Variants in DUSP12 observed in about 807,000 individuals in gnomAD.
DUSP12 encodes the protein dual specificity protein phosphatase 12.
DUSP12 carries 25 observed loss-of-function variants against 38.9 expected under a neutral mutation model. The ratio of observed to expected loss-of-function variants is 0.64; its 90% confidence interval spans 0.47 to 0.90. The LOEUF (loss-of-function observed/expected upper bound fraction) is 0.90, where lower values mean the gene tolerates loss of function less well. Among genes scored for constraint, DUSP12 ranks in the 40% least tolerant of loss-of-function variants. The probability of loss-of-function intolerance (pLI) is 0.00; values close to 1 mark genes in which losing one functional copy is unlikely to be tolerated. For missense variants in DUSP12, 403 were observed against 427.0 expected (o/e 0.94, Z 0.50); for synonymous variants, 153 against 153.9 (o/e 0.99, Z 0.05).
At chr1:161,751,583 T>TA in intron 1 of DUSP12, 85 bp from the exon 2 acceptor site, 9 of 1,518,334 alleles carry the variant, frequency 5.9e-6, no homozygotes, top group Non-Finnish European at 7.9e-6. Context: ...GCCTAAACTT[T>TA]ACTATTAATA....
chr1:161,750,044 A>G lies in DUSP12; in HGVS notation c.243A>G (p.Pro81=). 1 of 1,613,968 alleles carries G rather than the reference A, an allele frequency of 6.2e-7. No individual in the cohort carries two copies. Among genetic ancestry groups the G allele is most frequent in the South Asian group, 1.1e-5 (1 of 91,090 alleles). ...GVEDLWRLFV[P]ALDKPETDLL... is the part of the protein sequence containing the mutation. Reference sequence around the variant, plus strand: ...AGGATCTATGGCGCCTCTTCGTGCCAGCGCTGGACAAACCCGAGACGGACC... The same window carrying G: ...AGGATCTATGGCGCCTCTTCGTGCCGGCGCTGGACAAACCCGAGACGGACC... The change falls in exon 1 of 6, where the codon CCA becomes CCG. Residue 81 remains proline, a synonymous_variant. Coordinates refer to ENST00000367943, the MANE Select transcript of DUSP12 (RefSeq NM_007240.3).
Position 161,752,371 on chromosome 1 carries a change from T to C in DUSP12, c.581T>C (p.Leu194Ser). 6.2e-7 allele frequency: 1 copy of C among 1,600,812 alleles called. No homozygotes were observed. Among genetic ancestry groups the C allele is most frequent in the African/African-American group, 1.3e-5 (1 of 74,376 alleles). ...ACATTTTAATTATGTCATATAGAAT[T>C]GCAGAATTTACCTCAAGAACTCTTT... ...LQKVTEKYPE[L>S]QNLPQELFAV... The change falls in exon 4 of 6, where the codon TTG (leucine) becomes TCG (serine). Residue 194 changes from leucine to serine, a missense_variant. By Grantham distance (145) the Leu-to-Ser change is moderately radical (BLOSUM62 -2). Transcript: ENST00000367943.
At position 161,749,852 on chromosome 1, in the gene DUSP12, C is replaced by T. The variant is rs757634240; in HGVS notation, c.51C>T (p.Ser17=). 1.9e-6 allele frequency: 3 copies of T among 1,605,194 alleles called. No homozygotes were observed. The highest frequency in any genetic ancestry group is 2.3e-5 in the East Asian group (1 of 44,300). ...PSDGCELSNP[S]ASRVSCAGQM... ...ATGGCTGCGAGCTCAGCAACCCCAG[C>T]GCCAGCAGAGTCAGCTGTGCCGGGC... Residue 17 remains serine (S), a synonymous_variant, in exon 1 of 6, where the codon AGC becomes AGT. Coordinates refer to ENST00000367943, the MANE Select transcript of DUSP12 (RefSeq NM_007240.3).
rs767911432 is a variant in DUSP12 at position 161,751,680 on chromosome 1, C to T, written c.357C>T (p.Val119=). 1.9e-6 allele frequency: 3 copies of T among 1,608,836 alleles called. No individual in the cohort carries two copies. The highest frequency in any genetic ancestry group is 1.7e-5 in the Admixed American group (1 of 58,774). The part of the protein sequence containing the change: ...RAVLVHCHAG[V]SRSVAIITAF... ...GTCTCTTTTTCAGTCATGCAGGAGT[C>T]AGTCGAAGTGTGGCCATAATAACTG... The change falls in exon 2 of 6, where the codon GTC becomes GTT. Residue 119 remains valine, a synonymous_variant. Transcript: ENST00000367943.
intron 5 of DUSP12, 162 bp downstream of exon 5, chr1:161,753,423 A>G (rs1362249350): frequency 5.2e-6 from 3 of 575,110 alleles, no homozygotes; most frequent in Non-Finnish European, 7.8e-6. Context: ...CAAAAATAAA[A>G]TATTTTTCAA....
At chr1:161,754,386 C>G (rs960907899) in intron 5 of DUSP12, among the ~76,000 whole-genome samples, 7 of 152,012 alleles carry the variant, frequency 4.6e-5, no homozygotes, top group African/African-American at 1.7e-4. Flanking sequence ...TGCAATTTAC[C>G]TATTTAAGGT....
Position 161,750,098 on chromosome 1 carries a change from C to G in DUSP12, c.297C>G (p.Ala99=). The G allele has an allele frequency of 6.2e-7, 1 of 1,613,940 alleles. No individual in the cohort carries two copies. Among genetic ancestry groups the G allele is most frequent in the Non-Finnish European group, 8.5e-7 (1 of 1,179,956 alleles). Residue 99 remains alanine (A), a synonymous_variant, in exon 1 of 6, where the codon GCC becomes GCG. Transcript: ENST00000367943. ...TCAGCCATCTGGACCGGTGCGTGGC[C>G]TTCATCGGTCAGGCCCGCGCTGAGG... ...DLLSHLDRCV[A]FIGQARAEGR...
rs559426253 is a variant in DUSP12 at position 161,750,019 on chromosome 1, A to T, written c.218A>T (p.Glu73Val). 204 of 1,613,954 alleles carry T rather than the reference A, an allele frequency of 1.3e-4. No individual in the cohort carries two copies. The East Asian group carries it at 4.5e-3, about 35-fold the overall frequency. ...AGCTTCAAGGCGGGGCCTGGGGTCG[A>T]GGATCTATGGCGCCTCTTCGTGCCA... The part of the protein sequence containing the change: ...EPSFKAGPGV[E>V]DLWRLFVPAL... The change falls in exon 1 of 6, where the codon GAG becomes GTG. Residue 73 changes from glutamate to valine, a missense_variant. Glu to Val is a moderately radical substitution (Grantham distance 121). Coordinates refer to ENST00000367943, the MANE Select transcript of DUSP12 (RefSeq NM_007240.3).
At position 161,749,915 on chromosome 1, in the gene DUSP12, G is replaced by C. The variant is rs773260246; in HGVS notation, c.114G>C (p.Gly38=). The C allele has an allele frequency of 6.2e-7, 1 of 1,613,726 alleles. No individual in the cohort carries two copies. Among genetic ancestry groups the C allele is most frequent in the Non-Finnish European group, 8.5e-7 (1 of 1,179,814 alleles). Residue 38 remains glycine (G), a synonymous_variant, in exon 1 of 6, where the codon GGG becomes GGC. Transcript: ENST00000367943. ...TGCAGCCAGGATTGTATTTCGGTGG[G>C]GCCGCGGCCGTCGCGGAGCCAGATC... The part of the protein sequence containing the change: ...LEVQPGLYFG[G]AAAVAEPDHL...
At position 161,750,005 on chromosome 1, in the gene DUSP12, G is replaced by T. The variant is rs749222428; in HGVS notation, c.204G>T (p.Ala68=). 1.9e-6 allele frequency: 3 copies of T among 1,614,086 alleles called. No homozygotes were observed. The highest frequency in any genetic ancestry group is 1.7e-6 in the Non-Finnish European group (2 of 1,179,990). Residue 68 remains alanine (A), a synonymous_variant, in exon 1 of 6, where the codon GCG becomes GCT. Transcript: ENST00000367943. ...TVDSEEPSFK[A]GPGVEDLWRL... Reference sequence around the variant, plus strand: ...ACTCGGAGGAGCCCAGCTTCAAGGCGGGGCCTGGGGTCGAGGATCTATGGC... The same window carrying T: ...ACTCGGAGGAGCCCAGCTTCAAGGCTGGGCCTGGGGTCGAGGATCTATGGC...
chr1:161,756,133 A>G (rs1294562456), intron 5 of DUSP12, among the ~76,000 whole-genome samples: 1 of 152,176 alleles, frequency 6.6e-6, no homozygotes, highest in Non-Finnish European at 1.5e-5. Context: ...TGGGAATTAC[A>G]GGTATGAGCC....
At chr1:161,750,978 G>A (rs982736997) in intron 1 of DUSP12, among the ~76,000 whole-genome samples, 12 of 152,126 alleles carry the variant, frequency 7.9e-5, no homozygotes, top group Admixed American at 1.3e-4. Flanking sequence ...TTGGATTGGA[G>A]TATAATAATC....
Position 161,756,798 on chromosome 1 carries a change from A to C in DUSP12, c.874A>C (p.Lys292Gln). 1.9e-6 allele frequency: 3 copies of C among 1,611,686 alleles called. No individual in the cohort carries two copies. Among genetic ancestry groups the C allele is most frequent in the Middle Eastern group, 1.7e-4 (1 of 6,048 alleles). ...TGCTTTATTTCAGCTTCTTTGCCCAAAATGCAGTGCCAAGTTGGGTTCCTT... is the reference window on the plus strand; with the variant it reads ...TGCTTTATTTCAGCTTCTTTGCCCACAATGCAGTGCCAAGTTGGGTTCCTT... The part of the protein sequence containing the change: ...GVMDGQLLCP[K>Q]CSAKLGSFNW... The change falls in exon 6 of 6, where the codon AAA (lysine) becomes CAA (glutamine). Residue 292 changes from lysine (K) to glutamine (Q), a missense_variant. Transcript: ENST00000367943.
chr1:161,754,937 T>G (rs1403869787), intron 5 of DUSP12, among the ~76,000 whole-genome samples: 2 of 152,160 alleles, frequency 1.3e-5, no homozygotes, highest in African/African-American at 4.8e-5. Context: ...TTCAAGTGAT[T>G]CTCCTGCTTC....
In DUSP12 at chr1:161,752,088, T is replaced by C; in HGVS notation, c.577+104T>C. The C allele has an allele frequency of 1.5e-5, 13 of 856,078 alleles. No homozygotes were observed. The South Asian group carries it at 2.3e-4, about 15-fold the overall frequency. 53.0% of individuals were successfully genotyped at this position (856,078 alleles called of 1,614,324 possible). ...GCAATCCCTGAGAAACTATTGTTTC[T>C]TTTTGAAACTGATTTAGCCAGAAAT... On this transcript the variant is annotated intron_variant, in intron 3 of 5. Coordinates refer to ENST00000367943, the MANE Select transcript of DUSP12 (RefSeq NM_007240.3).
chr1:161,752,332 T>G, intron 3 of DUSP12, 36 bp from the exon 4 acceptor site: 1 of 1,462,674 alleles, frequency 6.8e-7, no homozygotes, highest in Non-Finnish European at 9.5e-7. Flanking sequence ...CAGAGTTGAT[T>G]TTGACAAATA....
At chr1:161,753,283 T>C in intron 5 of DUSP12, 22 bp downstream of exon 5, 21 of 1,513,104 alleles carry the variant, frequency 1.4e-5, no homozygotes, top group Non-Finnish European at 1.9e-5. Flanking sequence ...TTTTATTTTC[T>C]ACAATTTTAT....
At chr1:161,755,113 A>C (rs577372352) in intron 5 of DUSP12, among the ~76,000 whole-genome samples, 3 of 152,298 alleles carry the variant, frequency 2.0e-5, no homozygotes, top group South Asian at 2.1e-4. Context: ...TACAGGCGTG[A>C]GCCACCATGC....
At position 161,750,132 on chromosome 1, in the gene DUSP12, G is replaced by C. The variant is rs1426237215; in HGVS notation, c.331G>C (p.Val111Leu). Residue 111 changes from valine (V) to leucine (L), a missense_variant, in exon 1 of 6, where the codon GTG becomes CTG. Coordinates refer to ENST00000367943, the MANE Select transcript of DUSP12 (RefSeq NM_007240.3). ...IGQARAEGRA[V>L]LVHCHAGVSR... ...TCAGGCCCGCGCTGAGGGCCGTGCG[G>C]TGTTGGTGCACTGGTGAGTGGCCGG... The C allele has an allele frequency of 1.5e-5, 25 of 1,613,130 alleles. No homozygotes were observed. The highest frequency in any genetic ancestry group is 2.7e-5 in the African/African-American group (2 of 75,038).
Sources: allele counts gnomAD v4.1 joint callset (sites outside exome capture counted in the v4.1 genomes callset), GRCh38; gene constraint gnomAD v4.1.1; transcripts MANE v1.5; gene names NCBI Gene and HGNC (gene_info 2026-07-23, HGNC 2026-07-21).